Variants in COBLL1 observed in about 807,000 individuals in gnomAD.
The protein encoded by COBLL1 is cordon-bleu WH2 repeat protein like 1.
A neutral mutation model predicts 94.8 loss-of-function variants in COBLL1; 50 were observed. The ratio of observed to expected loss-of-function variants is 0.53; its 90% confidence interval spans 0.42 to 0.67. The LOEUF (loss-of-function observed/expected upper bound fraction) is 0.67, where lower values mean the gene tolerates loss of function less well. Ranked by LOEUF, COBLL1 falls within the 30% of genes least tolerant of loss-of-function variation. COBLL1 has a pLI of 0.00. For synonymous variants in COBLL1, 448 were observed against 473.8 expected (o/e 0.95, Z 0.71); for missense variants, 1,362 against 1,348.7 (o/e 1.01, Z -0.15).
At chr2:164,675,929 G>A (rs1232534437), downstream of COBLL1, among the ~76,000 whole-genome samples, 3 of 152,146 alleles carry the variant, frequency 2.0e-5, no homozygotes. Context: ...TTTCCATGGT[G>A]TGGTACTTGA....
chr2:164,771,845 A>G (rs887025603), intron 2 of COBLL1: 2 of 152,036 alleles, frequency 1.3e-5, no homozygotes, highest in Non-Finnish European at 2.9e-5. Context: ...ATCCAGTTCT[A>G]AAGATTAATG....
intron 2 of COBLL1, among the ~76,000 whole-genome samples, chr2:164,839,708 C>T (rs1437104173): frequency 6.6e-6 from 1 of 152,172 alleles, no homozygotes; most frequent in Non-Finnish European, 1.5e-5. Flanking sequence ...GGTATCCTGA[C>T]AGCTGTCTCA....
chr2:164,749,771 CA>C lies in COBLL1; in HGVS notation c.42-5897del, dbSNP rs1182283098. On this transcript the variant is annotated intron_variant, in intron 2 of 13. Coordinates refer to ENST00000652658, the MANE Select transcript of COBLL1 (RefSeq NM_001365672.2). Reference sequence around the variant, plus strand: ...TAATGAAAATCGACAAGGAGAAACCCAAAACATTATATGACTCTCATATTAC... The same window carrying C: ...TAATGAAAATCGACAAGGAGAAACCCAAACATTATATGACTCTCATATTAC... Among the ~76,000 whole-genome samples, 12 of 152,102 alleles carry C rather than the reference CA, an allele frequency of 7.9e-5. No individual in the cohort carries two copies. The East Asian group carries it at 1.5e-3, about 20-fold the overall frequency.
intron 7 of COBLL1, among the ~76,000 whole-genome samples, chr2:164,715,752 G>A (rs1029694668): frequency 1.3e-5 from 2 of 151,632 alleles, no homozygotes; most frequent in Admixed American, 6.6e-5. Context: ...AAGAGTTTCC[G>A]TTTCTCAATA....
At chr2:164,723,768 C>A (rs1440397568) in intron 5 of COBLL1, 1 of 151,444 alleles carries the variant, frequency 6.6e-6, no homozygotes, top group Admixed American at 6.6e-5. Context: ...TTTATTATAC[C>A]TTTTTCTTTT....
At chr2:164,837,585 CTATG>C in intron 2 of COBLL1, 1 of 419,162 alleles carries the variant, frequency 2.4e-6, no homozygotes, top group South Asian at 1.8e-5. Flanking sequence ...ATCTAGATCA[CTATG>C]TAAGTTAAAC....
At chr2:164,805,329 C>CTATATATATATATA (rs1412509415) in intron 2 of COBLL1, among the ~76,000 whole-genome samples, 3 of 22,666 alleles carry the variant, frequency 1.3e-4, no homozygotes, top group Middle Eastern at 0.029. Context: ...CTCTCTCTCT[C>CTATATATATATATA]TCTCTCTCTA....
intron 2 of COBLL1, among the ~76,000 whole-genome samples, chr2:164,768,021 T>C: frequency 6.6e-6 from 1 of 152,160 alleles, no homozygotes; most frequent in East Asian, 1.9e-4. Context: ...GGACTGGAAA[T>C]CTTATCTGAA....
intron 2 of COBLL1, among the ~76,000 whole-genome samples, chr2:164,745,604 A>G (rs1158743713): frequency 5.3e-5 from 8 of 152,202 alleles, no homozygotes; most frequent in Admixed American, 5.2e-4. Flanking sequence ...CAAAATTACC[A>G]TCAAGTTTGA....
intron 3 of COBLL1, chr2:164,738,112 T>C (rs1483439519): frequency 2.0e-5 from 3 of 152,120 alleles, no homozygotes; most frequent in Admixed American, 6.6e-5. Context: ...CAAATTCCTA[T>C]TTGTGGTAAG....
At chr2:164,723,768 C>T (rs1440397568) in intron 5 of COBLL1, 3 of 151,444 alleles carry the variant, frequency 2.0e-5, no homozygotes, top group Non-Finnish European at 4.4e-5. Flanking sequence ...TTTATTATAC[C>T]TTTTTCTTTT....
chr2:164,736,041 T>TAAAAAAATCAGCCC (rs1686288355), intron 3 of COBLL1, among the ~76,000 whole-genome samples: 1 of 152,142 alleles, frequency 6.6e-6, no homozygotes, highest in African/African-American at 2.4e-5. Context: ...TATAATAATT[T>TAAAAAAATCAGCCC]TCTAGAGGGC....
At chr2:164,780,645 G>T (rs888759254) in intron 2 of COBLL1, among the ~76,000 whole-genome samples, 1 of 152,090 alleles carries the variant, frequency 6.6e-6, no homozygotes, top group African/African-American at 2.4e-5. Context: ...TCACCACAGC[G>T]AATGGACAAG....
At chr2:164,785,938 G>A (rs355906) in intron 2 of COBLL1, among the ~76,000 whole-genome samples, 81,114 of 150,836 alleles carry the variant, frequency 0.54, 23,678 homozygotes, top group African/African-American at 0.78. Context: ...TTTTTTTTAA[G>A]TACCAAGCAG....
intron 9 of COBLL1, 22 bp downstream of exon 9, chr2:164,704,422 A>C: frequency 1.3e-6 from 2 of 1,483,638 alleles, no homozygotes. Context: ...TAATTACACC[A>C]TGTAGAATAA....
At chr2:164,718,120 G>A in intron 7 of COBLL1, 1 of 335,646 alleles carries the variant, frequency 3.0e-6, no homozygotes, top group Non-Finnish European at 4.2e-6. Flanking sequence ...TACGATATAA[G>A]TGTGACACAT....
chr2:164,700,681 G>C lies in COBLL1; in HGVS notation c.1301C>G (p.Ala434Gly), dbSNP rs1189497217. Residue 434 changes from alanine (A) to glycine (G), a missense_variant, in exon 10 of 14, where the codon GCT becomes GGT. Transcript: ENST00000652658. ...TTGTGACTTCGGAGAAATATTTTCAGCTTCAACTTTAGGCACTTCACTCAG... is the reference window on the plus strand; with the variant it reads ...TTGTGACTTCGGAGAAATATTTTCACCTTCAACTTTAGGCACTTCACTCAG... Reference protein sequence around the residue: ...EELSEVPKVEAENISPKSQDI... With the variant: ...EELSEVPKVEGENISPKSQDI... The C allele has an allele frequency of 4.3e-6, 7 of 1,613,406 alleles. No individual in the cohort carries two copies. The highest frequency in any genetic ancestry group is 1.1e-5 in the South Asian group (1 of 91,066).
intron 2 of COBLL1, among the ~76,000 whole-genome samples, chr2:164,810,631 T>C (rs568591516): frequency 6.6e-6 from 1 of 151,856 alleles, no homozygotes; most frequent in South Asian, 2.1e-4. Context: ...TAGTAATTTA[T>C]AATTCTCCAA....
intron 1 of COBLL1, among the ~76,000 whole-genome samples, chr2:164,674,765 T>A (rs143077317): frequency 6.6e-6 from 1 of 152,228 alleles, no homozygotes; most frequent in African/African-American, 2.4e-5. Flanking sequence ...ATAGCATGAA[T>A]AATATAACAT....
Sources: allele counts gnomAD v4.1 joint callset (sites outside exome capture counted in the v4.1 genomes callset), GRCh38; gene constraint gnomAD v4.1.1; transcripts MANE v1.5; gene names NCBI Gene and HGNC (gene_info 2026-07-23, HGNC 2026-07-21).